ZNF480: variants seen among roughly 807,000 people sequenced by gnomAD.
ZNF480 encodes the protein zinc finger protein 480.
ZNF480 carries 15 observed loss-of-function variants against 14.4 expected under a neutral mutation model. That is an observed-to-expected ratio of 1.04 (90% CI 0.70 to 1.60). ZNF480 has a LOEUF of 1.60. Among genes scored for constraint, ZNF480 ranks in the 40% most tolerant of loss-of-function variants. The pLI, the probability that ZNF480 is intolerant of heterozygous loss-of-function variation, is 0.00. For synonymous variants in ZNF480, 218 were observed against 215.5 expected (o/e 1.01, Z -0.10); for missense variants, 593 against 629.7 (o/e 0.94, Z 0.62).
rs769298180 is a variant in ZNF480 at position 52,322,011 on chromosome 19, C to G, written c.761C>G (p.Thr254Ser). The G allele has an allele frequency of 5.6e-6, 9 of 1,612,318 alleles. No homozygotes were observed. Among genetic ancestry groups the G allele is most frequent in the Middle Eastern group, 1.6e-4 (1 of 6,082 alleles). Residue 254 changes from threonine (T) to serine (S), a missense_variant, in exon 5 of 5, where the codon ACT (threonine) becomes AGT (serine). Transcript: ENST00000595962. ...CTTGCAGAACATTGTAGAATTCATA[C>G]TGGAGAGAAACCTTACAAATGTAAT... ...SHLAEHCRIH[T>S]GEKPYKCNVC... is the part of the protein sequence containing the mutation.
chr19:52,306,553 G>C (rs780076834), intron 2 of ZNF480, among the ~76,000 whole-genome samples: 2 of 152,218 alleles, frequency 1.3e-5, no homozygotes, highest in African/African-American at 4.8e-5. Flanking sequence ...AACTGAGCAG[G>C]AGTTAGACAA....
Position 52,323,148 on chromosome 19 carries a change from GA to G in ZNF480, c.*295del, listed in dbSNP as rs771444986. On this transcript the variant is annotated 3_prime_UTR_variant, in exon 5 of 5. Transcript: ENST00000595962. ...ATTACCACCAACCCCACAGAAATAC[GA>G]AAAACCCTCAAAGATTACTATAAAC... 1.1e-4 allele frequency: 30 copies of G among 282,276 alleles called. No individual in the cohort carries two copies. The highest frequency in any genetic ancestry group is 2.2e-3 in the Middle Eastern group (2 of 914). 17.5% of individuals were successfully genotyped at this position (282,276 alleles called of 1,614,324 possible).
rs765758379 is a variant in ZNF480, at chr19:52,322,749, G to A, written c.1499G>A (p.Arg500Gln). ...TTCAATCGAATTGCACACCTTGCAC[G>A]ACATCGGAAAATTCATACTGGAGAG... ...KVFNRIAHLA[R>Q]HRKIHTGEKP... The change falls in exon 5 of 5, where the codon CGA becomes CAA. Residue 500 changes from arginine (R) to glutamine (Q), a missense_variant. Physicochemically the swap from Arg to Gln is conservative, Grantham distance 43 (BLOSUM62 1). Coordinates refer to ENST00000595962, the MANE Select transcript of ZNF480 (RefSeq NM_144684.4). 25 of 1,612,576 alleles carry A rather than the reference G, an allele frequency of 1.6e-5. 1 individual carries two copies. The highest frequency in any genetic ancestry group is 9.9e-5 in the South Asian group (9 of 90,850).
intron 4 of ZNF480, among the ~76,000 whole-genome samples, chr19:52,317,257 C>T (rs1033323062): frequency 6.6e-6 from 1 of 152,016 alleles, no homozygotes; most frequent in African/African-American, 2.4e-5. Context: ...ACCTCATGAT[C>T]TACCTGCCTC....
At chr19:52,309,156 C>T (rs1413438801) in intron 2 of ZNF480, among the ~76,000 whole-genome samples, 1 of 152,132 alleles carries the variant, frequency 6.6e-6, no homozygotes. Flanking sequence ...AAAATTTACT[C>T]CTTTACAACT....
chr19:52,305,967 T>G (rs1293650004), intron 2 of ZNF480, among the ~76,000 whole-genome samples: 1 of 152,094 alleles, frequency 6.6e-6, no homozygotes, highest in African/African-American at 2.4e-5. Flanking sequence ...ACTTGCTGGT[T>G]TTTTCTACAT....
chr19:52,309,169 A>T (rs1367244392), intron 2 of ZNF480, among the ~76,000 whole-genome samples: 2 of 152,214 alleles, frequency 1.3e-5, no homozygotes, highest in African/African-American at 4.8e-5. Flanking sequence ...TTACAACTTC[A>T]TGTGAACGTT....
chr19:52,323,044 G>T lies in ZNF480; in HGVS notation c.*186G>T. 2 of 474,274 alleles carry T rather than the reference G, an allele frequency of 4.2e-6. No individual in the cohort carries two copies. Among genetic ancestry groups the T allele is most frequent in the Non-Finnish European group, 7.0e-6 (2 of 284,270 alleles). The allele number at this position is 474,274 out of a possible 1,614,324, so 29.4% of individuals were successfully genotyped here. The stretch of plus-strand genomic sequence containing the variant: ...GAGAGACTTCACAATTATAATAAAT[G>T]TGTGGAAAAGTCTTCAAAAAAATTT... On this transcript the variant is annotated 3_prime_UTR_variant, in exon 5 of 5. Transcript: ENST00000595962.
At chr19:52,314,473 C>CAAAAAAAAA (rs34349660) in intron 3 of ZNF480, among the ~76,000 whole-genome samples, 194 bp downstream of exon 3, 32 of 66,164 alleles carry the variant, frequency 4.8e-4, no homozygotes, top group Non-Finnish European at 5.6e-4. Flanking sequence ...AACTCCGTCC[C>CAAAAAAAAA]AAAAAAAAAA....
rs953833459 is a variant in ZNF480 at position 52,324,144 on chromosome 19, C to T, written c.*1286C>T. ...TACAAAAATTAGTTGCATTTCTATA[C>T]ACCAGTAATGTCCAAGCTATGAACC... On this transcript the variant is annotated 3_prime_UTR_variant, in exon 5 of 5. Transcript: ENST00000595962. 2 of 152,116 alleles carry T rather than the reference C, an allele frequency of 1.3e-5. No individual in the cohort carries two copies. The highest frequency in any genetic ancestry group is 1.3e-4 in the Admixed American group (2 of 15,256). 9.4% of individuals were successfully genotyped at this position (152,116 alleles called of 1,614,324 possible).
chr19:52,307,850 C>T (rs1983022743), intron 2 of ZNF480, among the ~76,000 whole-genome samples: 2 of 152,190 alleles, frequency 1.3e-5, no homozygotes, highest in Non-Finnish European at 2.9e-5. Context: ...TTGGGCAGGC[C>T]AGGTGTTCCT....
At chr19:52,318,578 T>C (rs1207171349) in intron 4 of ZNF480, among the ~76,000 whole-genome samples, 3 of 152,162 alleles carry the variant, frequency 2.0e-5, no homozygotes, top group Non-Finnish European at 4.4e-5. Context: ...GTACTATCAA[T>C]TTTATATCTG....
chr19:52,322,162 A>G lies in ZNF480; in HGVS notation c.912A>G (p.Arg304=). 1 of 1,613,996 alleles carries G rather than the reference A, an allele frequency of 6.2e-7. No homozygotes were observed. Among genetic ancestry groups the G allele is most frequent in the Non-Finnish European group, 8.5e-7 (1 of 1,179,994 alleles). The change falls in exon 5 of 5, where the codon CGA becomes CGG. Residue 304 remains arginine, a synonymous_variant. Coordinates refer to ENST00000595962, the MANE Select transcript of ZNF480 (RefSeq NM_144684.4). Reference sequence around the variant, plus strand: ...TCAGTAATAATTCTTACCTTGCACGACATCAAAGAATTCATGCTGAAGAGA... The same window carrying G: ...TCAGTAATAATTCTTACCTTGCACGGCATCAAAGAATTCATGCTGAAGAGA... ...KVFSNNSYLA[R]HQRIHAEEKP... is the part of the protein sequence containing the mutation.
At chr19:52,309,935 G>A (rs1983188059) in intron 2 of ZNF480, among the ~76,000 whole-genome samples, 1 of 152,108 alleles carries the variant, frequency 6.6e-6, no homozygotes, top group Non-Finnish European at 1.5e-5. Context: ...CATTTCCTAA[G>A]GGAGATGTCA....
chr19:52,299,412 G>A (rs73934406), intron 1 of ZNF480, among the ~76,000 whole-genome samples: 5,182 of 152,230 alleles, frequency 0.034, 96 homozygotes, highest in Middle Eastern at 0.082. Flanking sequence ...CAGGTTGGGG[G>A]CTCAGTTCCA....
At chr19:52,299,416 A>G (rs1032504874) in intron 1 of ZNF480, among the ~76,000 whole-genome samples, 21 of 152,330 alleles carry the variant, frequency 1.4e-4, no homozygotes, top group African/African-American at 4.3e-4. Flanking sequence ...TTGGGGGCTC[A>G]GTTCCACAAG....
chr19:52,316,881 T>A (rs1241687336), intron 4 of ZNF480, among the ~76,000 whole-genome samples: 1 of 152,232 alleles, frequency 6.6e-6, no homozygotes, highest in East Asian at 1.9e-4. Flanking sequence ...AAGAAATTTG[T>A]ATATTCTTTT....
chr19:52,298,314 G>C lies in ZNF480; in HGVS notation c.-20+1091G>C, dbSNP rs141139089. Among the ~76,000 whole-genome samples the C allele has an allele frequency of 1.5e-3, 232 of 152,120 alleles. 1 individual carries two copies. Among genetic ancestry groups the C allele is most frequent in the African/African-American group, 5.4e-3 (225 of 41,518 alleles). On this transcript the variant is annotated intron_variant, in intron 1 of 4. Coordinates refer to ENST00000595962, the MANE Select transcript of ZNF480 (RefSeq NM_144684.4). ...AACAGAAAAGAAGGGATTTAACAGAGAGAGCAGAGGGGGAGTAGAGTCAGG... is the reference window on the plus strand; with the variant it reads ...AACAGAAAAGAAGGGATTTAACAGACAGAGCAGAGGGGGAGTAGAGTCAGG...
At chr19:52,304,808 C>G (rs1169234651) in intron 2 of ZNF480, among the ~76,000 whole-genome samples, 3 of 152,014 alleles carry the variant, frequency 2.0e-5, no homozygotes, top group East Asian at 1.9e-4. Context: ...ACAGCAGTTA[C>G]AATTGGTTGG....
Sources: gnomAD v4.1 joint callset for allele counts (sites outside exome capture counted in the v4.1 genomes callset) on GRCh38, gnomAD v4.1.1 for gene constraint, MANE v1.5 for transcripts, NCBI Gene and HGNC (gene_info 2026-07-23, HGNC 2026-07-21) for gene names.